Variants in DNAJB4 observed in about 807,000 individuals in gnomAD.
DNAJB4 encodes the protein dnaJ homolog subfamily B member 4.
Under a neutral mutation model 26.6 loss-of-function variants are expected in DNAJB4, and 10 were observed. The observed-to-expected ratio is 0.38, with a 90% CI of 0.23 to 0.64. The LOEUF is 0.64. Among genes scored for constraint, DNAJB4 ranks in the 30% least tolerant of loss-of-function variants. The pLI is 0.58. For missense variants in DNAJB4, 328 were observed against 408.2 expected (o/e 0.80, Z 1.69); for synonymous variants, 136 against 134.8 (o/e 1.01, Z -0.06).
chr1:77,993,646 A>G (rs1406589590), intron 1 of DNAJB4, among the ~76,000 whole-genome samples: 1 of 152,130 alleles, frequency 6.6e-6, no homozygotes, highest in African/African-American at 2.4e-5. Flanking sequence ...AAGGGTAGGG[A>G]CTATGTATTA....
In DNAJB4 at chr1:78,016,369, A is replaced by G. The variant is rs1660643512; in HGVS notation, c.*122A>G. The G allele has an allele frequency of 2.5e-6, 2 of 810,154 alleles. No individual in the cohort carries two copies. Among genetic ancestry groups the G allele is most frequent in the Non-Finnish European group, 3.8e-6 (2 of 524,540 alleles). 50.2% of individuals were successfully genotyped at this position (810,154 alleles called of 1,614,324 possible). A position where few individuals can be genotyped will look rare whatever the true frequency, so the allele number is the denominator to read the frequency against. Reference sequence around the variant, plus strand: ...GTAAATTCTTTTGAGGGTTCATTAAATTGCATGAATAGAGACGGGTCAAAT... The same window carrying G: ...GTAAATTCTTTTGAGGGTTCATTAAGTTGCATGAATAGAGACGGGTCAAAT... On this transcript the variant is annotated 3_prime_UTR_variant, in exon 3 of 3. Transcript: ENST00000370763.
upstream of DNAJB4, among the ~76,000 whole-genome samples, chr1:78,001,408 G>A (rs962228197): frequency 2.0e-5 from 3 of 151,912 alleles, no homozygotes; most frequent in African/African-American, 4.8e-5. Flanking sequence ...GCCAGGAAAA[G>A]TTATTCACAG....
rs765064496 is a variant in DNAJB4, at chr1:78,015,971, A to C, written c.781-43A>C. On this transcript the variant is annotated intron_variant, in intron 2 of 2. Transcript: ENST00000370763. The stretch of plus-strand genomic sequence containing the variant: ...GGTAAAATTTGTGCTTAGATTTTTG[A>C]GTTTTGAAGTGTTTTCATTTTATTT... 3.9e-5 allele frequency: 59 copies of C among 1,527,910 alleles called. No individual in the cohort carries two copies. In the African/African-American group the frequency reaches 7.1e-4, roughly 18 times the overall value. The allele number at this position is 1,527,910 out of a possible 1,614,324, so 94.6% of individuals were successfully genotyped here.
At chr1:77,981,102 T>G (rs1305737199) in intron 1 of DNAJB4, 2 of 152,120 alleles carry the variant, frequency 1.3e-5, no homozygotes, top group Non-Finnish European at 2.9e-5. Context: ...CAAAACAAAT[T>G]TATGTATATC....
chr1:78,010,094 G>A (rs569173368), intron 1 of DNAJB4, among the ~76,000 whole-genome samples: 9 of 152,276 alleles, frequency 5.9e-5, no homozygotes, highest in Admixed American at 1.3e-4. Context: ...AATTATGACC[G>A]AATTGCCCTT....
intron 1 of DNAJB4, among the ~76,000 whole-genome samples, chr1:77,980,960 T>C (rs1486143055): frequency 6.6e-6 from 1 of 152,168 alleles, no homozygotes; most frequent in African/African-American, 2.4e-5. Context: ...AAAGCAGTGT[T>C]GGGTGTGCGG....
intron 1 of DNAJB4, among the ~76,000 whole-genome samples, chr1:77,984,962 G>A (rs1659758069): frequency 6.6e-6 from 1 of 152,178 alleles, no homozygotes; most frequent in South Asian, 2.1e-4. Context: ...TAATTGCAGA[G>A]CCAAGACTAG....
chr1:78,014,131 T>C (rs1019439611), intron 2 of DNAJB4, among the ~76,000 whole-genome samples: 2 of 152,026 alleles, frequency 1.3e-5, no homozygotes, highest in Non-Finnish European at 1.5e-5. Flanking sequence ...CTATTTCTTT[T>C]TTTTTTTTGA....
rs919024501 is a variant in DNAJB4 at position 78,016,399 on chromosome 1, A to C, written c.*152A>C. On this transcript the variant is annotated 3_prime_UTR_variant, in exon 3 of 3. Transcript: ENST00000370763. ...ATGAATAGAGACGGGTCAAATAAAT[A>C]GGCAAAAGGGATTTTTACAGTTAGA... 1.6e-6 allele frequency: 1 copy of C among 608,326 alleles called. No individual in the cohort carries two copies. Among genetic ancestry groups the C allele is most frequent in the African/African-American group, 1.9e-5 (1 of 53,670 alleles). The allele number at this position is 608,326 out of a possible 1,614,324, so 37.7% of individuals were successfully genotyped here.
chr1:77,994,497 A>G (rs1660014270), intron 1 of DNAJB4, among the ~76,000 whole-genome samples: 1 of 152,134 alleles, frequency 6.6e-6, no homozygotes, highest in Admixed American at 6.5e-5. Context: ...TAAGAGCCTA[A>G]TAATTCAATG....
chr1:77,986,837 A>G (rs1659803309), intron 1 of DNAJB4, among the ~76,000 whole-genome samples: 1 of 152,188 alleles, frequency 6.6e-6, no homozygotes, highest in Non-Finnish European at 1.5e-5. Context: ...TGAGCAGCTC[A>G]ACAATTTATG....
chr1:78,011,002 A>G (rs942220228), intron 1 of DNAJB4, among the ~76,000 whole-genome samples: 3 of 152,204 alleles, frequency 2.0e-5, no homozygotes, highest in Non-Finnish European at 4.4e-5. Flanking sequence ...GTTTGGAGAT[A>G]TTAGAATCTC....
intron 1 of DNAJB4, among the ~76,000 whole-genome samples, chr1:77,987,947 A>T (rs1004164791): frequency 1.4e-5 from 2 of 147,894 alleles, no homozygotes; most frequent in African/African-American, 4.9e-5. Flanking sequence ...TAAAGATTTT[A>T]TATATATACA....
Position 78,013,626 on chromosome 1 carries a change from T to A in DNAJB4, c.780+7T>A, listed in dbSNP as rs1660556707. On this transcript the variant is annotated splice_region_variant and intron_variant, in intron 2 of 2. Transcript: ENST00000370763. ...TAAAATTAGTTTACGAGAGGTAAGTTGGTAGGACCTAAAATCCTAAGACCA... is the reference window on the plus strand; with the variant it reads ...TAAAATTAGTTTACGAGAGGTAAGTAGGTAGGACCTAAAATCCTAAGACCA... The A allele has an allele frequency of 1.3e-6, 2 of 1,557,110 alleles. No homozygotes were observed. The highest frequency in any genetic ancestry group is 4.5e-5 in the East Asian group (2 of 44,626).
intron 1 of DNAJB4, among the ~76,000 whole-genome samples, chr1:77,994,930 T>TA (rs1571430894): frequency 1.3e-5 from 2 of 152,262 alleles, no homozygotes; most frequent in East Asian, 3.9e-4. Flanking sequence ...GAGAGGTATG[T>TA]ATGTGTGGTA....
At chr1:78,015,486 A>G (rs1284491448) in intron 2 of DNAJB4, among the ~76,000 whole-genome samples, 2 of 114,390 alleles carry the variant, frequency 1.7e-5, no homozygotes, top group Non-Finnish European at 1.8e-5. Context: ...CTAATAATGC[A>G]TGTCCTGAAG....
rs552987679 is a variant in DNAJB4, at chr1:78,016,191, G to C, written c.958G>C (p.Asp320His). ...LLIEFEVSFP[D>H]TISSSSKEVL... ...AATAGAATTTGAGGTGTCCTTCCCA[G>C]ATACTATATCTTCTTCATCCAAAGA... The change falls in exon 3 of 3, where the codon GAT (aspartate) becomes CAT (histidine). Residue 320 changes from aspartate to histidine, a missense_variant. Coordinates refer to ENST00000370763, the MANE Select transcript of DNAJB4 (RefSeq NM_007034.5). The C allele has an allele frequency of 3.7e-5, 60 of 1,614,082 alleles. 1 individual carries two copies. The South Asian group carries it at 5.4e-4, about 14-fold the overall frequency.
At chr1:77,996,647 G>C (rs1173921214) in intron 1 of DNAJB4, among the ~76,000 whole-genome samples, 1 of 151,758 alleles carries the variant, frequency 6.6e-6, no homozygotes, top group Non-Finnish European at 1.5e-5. Context: ...ATAGTGCTTC[G>C]GGGAAAGTAT....
At chr1:77,999,537 GGT>G (rs1660142302) in intron 1 of DNAJB4, among the ~76,000 whole-genome samples, 1 of 151,934 alleles carries the variant, frequency 6.6e-6, no homozygotes, top group Non-Finnish European at 1.5e-5. Flanking sequence ...CTCCTTTGGG[GGT>G]GAATCTGGTA....
Sources: gnomAD v4.1 joint callset for allele counts (sites outside exome capture counted in the v4.1 genomes callset) on GRCh38, gnomAD v4.1.1 for gene constraint, MANE v1.5 for transcripts, NCBI Gene and HGNC (gene_info 2026-07-23, HGNC 2026-07-21) for gene names.